PDE4D: variants seen among roughly 807,000 people sequenced by gnomAD.
PDE4D encodes the protein phosphodiesterase 4D.
In PDE4D, 24 loss-of-function variants were observed where a neutral mutation model predicts 87.4. That is an observed-to-expected ratio of 0.27 (90% CI 0.20 to 0.39). PDE4D has a LOEUF of 0.39. Among genes scored for constraint, PDE4D ranks in the 10% least tolerant of loss-of-function variants. PDE4D has a pLI of 1.00. For synonymous variants in PDE4D, 384 were observed against 383.2 expected (o/e 1.00, Z -0.02); for missense variants, 714 against 1,041.0 (o/e 0.69, Z 4.32).
At chr5:59,077,343 A>T (rs1173849749) in intron 5 of PDE4D, among the ~76,000 whole-genome samples, 2 of 152,098 alleles carry the variant, frequency 1.3e-5, no homozygotes, top group African/African-American at 4.8e-5. Context: ...TTTTCACATT[A>T]TTTTTCCAGG....
chr5:60,133,352 G>A (rs796302669), intron 2 of PDE4D, among the ~76,000 whole-genome samples: 14 of 151,564 alleles, frequency 9.2e-5, no homozygotes, highest in African/African-American at 3.4e-4. Context: ...TTTTTTAGAC[G>A]GGGTCTCGTT....
intron 5 of PDE4D, among the ~76,000 whole-genome samples, chr5:59,148,754 G>GGGGTGTGTGT (rs71578631): frequency 6.9e-6 from 1 of 145,482 alleles, no homozygotes; most frequent in African/African-American, 2.6e-5. Flanking sequence ...AATATATAGC[G>GGGGTGTGTGT]GTGTGTGTGT....
At chr5:59,402,453 G>A (rs914426050) in intron 1 of PDE4D, among the ~76,000 whole-genome samples, 3 of 152,106 alleles carry the variant, frequency 2.0e-5, no homozygotes, top group African/African-American at 7.2e-5. Context: ...TCTCCCGAAC[G>A]GTCAGGGGTA....
At chr5:59,088,985 T>A (rs1451828791) in intron 5 of PDE4D, among the ~76,000 whole-genome samples, 1 of 152,188 alleles carries the variant, frequency 6.6e-6, no homozygotes, top group Non-Finnish European at 1.5e-5. Context: ...TTCATTACAA[T>A]ATCTTCTCTC....
chr5:59,331,208 C>T (rs1315525165), intron 1 of PDE4D, among the ~76,000 whole-genome samples: 1 of 152,082 alleles, frequency 6.6e-6, no homozygotes, highest in Non-Finnish European at 1.5e-5. Context: ...CCTAGGGCTG[C>T]CATTACAAAA....
At chr5:59,067,247 C>T (rs1026379293) in intron 5 of PDE4D, among the ~76,000 whole-genome samples, 14 of 151,868 alleles carry the variant, frequency 9.2e-5, no homozygotes, top group Non-Finnish European at 1.8e-4. Flanking sequence ...AAACTCCTGA[C>T]TTCAAGTGAT....
chr5:59,050,665 T>C (rs1172664918), intron 5 of PDE4D, among the ~76,000 whole-genome samples: 1 of 152,222 alleles, frequency 6.6e-6, no homozygotes, highest in Non-Finnish European at 1.5e-5. Context: ...GAGCTCTTCA[T>C]GGGAAATAGT....
intron 1 of PDE4D, among the ~76,000 whole-genome samples, chr5:59,313,817 T>A (rs1773164787): frequency 6.6e-6 from 1 of 152,134 alleles, no homozygotes; most frequent in Non-Finnish European, 1.5e-5. Flanking sequence ...AAATCTCAAC[T>A]AATCCCCTCA....
intron 1 of PDE4D, among the ~76,000 whole-genome samples, chr5:59,290,921 C>A (rs1767881271): frequency 6.6e-6 from 1 of 151,790 alleles, no homozygotes; most frequent in East Asian, 1.9e-4. Context: ...ATGCAAAAGA[C>A]AAATAATAAG....
chr5:60,156,326 A>G (rs1781975405), intron 2 of PDE4D, among the ~76,000 whole-genome samples: 1 of 152,230 alleles, frequency 6.6e-6, no homozygotes, highest in Non-Finnish European at 1.5e-5. Context: ...ATATCTGGTT[A>G]TTAAATCCAA....
At chr5:59,736,059 G>A (rs189435233) in intron 1 of PDE4D, among the ~76,000 whole-genome samples, 1 of 151,228 alleles carries the variant, frequency 6.6e-6, no homozygotes, top group Admixed American at 6.6e-5. Flanking sequence ...AAATTTATGT[G>A]ACAAAAAGAA....
At chr5:59,292,873 G>A (rs1197301464) in intron 1 of PDE4D, among the ~76,000 whole-genome samples, 2 of 152,114 alleles carry the variant, frequency 1.3e-5, no homozygotes, top group East Asian at 3.9e-4. Flanking sequence ...CTGGTAAGAA[G>A]TGATTCATGC....
intron 1 of PDE4D, among the ~76,000 whole-genome samples, chr5:59,836,531 T>G (rs185909064): frequency 7.2e-4 from 109 of 152,104 alleles, no homozygotes; most frequent in African/African-American, 2.3e-3. Context: ...AGGGATTGGA[T>G]TGAAGGCTGA....
intron 1 of PDE4D, among the ~76,000 whole-genome samples, chr5:59,762,309 C>CGTATATGT (rs1762113459): frequency 1.4e-5 from 2 of 142,294 alleles, no homozygotes; most frequent in African/African-American, 5.4e-5. Context: ...TACACATATG[C>CGTATATGT]GTATATGGGT....
intron 1 of PDE4D, among the ~76,000 whole-genome samples, chr5:59,483,136 C>T (rs1804551370): frequency 6.6e-6 from 1 of 152,158 alleles, no homozygotes. Context: ...GAAACATTTG[C>T]TCCTTTTGGG....
At chr5:60,234,359 T>C (rs1746175395) in intron 1 of PDE4D, among the ~76,000 whole-genome samples, 1 of 151,854 alleles carries the variant, frequency 6.6e-6, no homozygotes, top group Admixed American at 6.6e-5. Context: ...GATAGGCATT[T>C]GGGTTGTTTC....
At chr5:59,962,416 G>A (rs62371487) in intron 3 of PDE4D, among the ~76,000 whole-genome samples, 7 of 151,910 alleles carry the variant, frequency 4.6e-5, no homozygotes, top group Middle Eastern at 3.4e-3. Flanking sequence ...GTGACACTTC[G>A]ATGACAAACT....
intron 1 of PDE4D, among the ~76,000 whole-genome samples, chr5:59,398,186 T>C (rs969124994): frequency 7.3e-6 from 1 of 137,180 alleles, no homozygotes; most frequent in African/African-American, 2.8e-5. Context: ...TCTGAAACTA[T>C]TCCAATCAAT....
At chr5:59,821,779 G>A (rs572232060) in intron 1 of PDE4D, among the ~76,000 whole-genome samples, 4 of 152,156 alleles carry the variant, frequency 2.6e-5, no homozygotes, top group Admixed American at 6.5e-5. Context: ...CAATTTCTAC[G>A]GTGTAAATAA....
Sources: gnomAD v4.1 joint callset for allele counts (sites outside exome capture counted in the v4.1 genomes callset) on GRCh38, gnomAD v4.1.1 for gene constraint, MANE v1.5 for transcripts, NCBI Gene and HGNC (gene_info 2026-07-23, HGNC 2026-07-21) for gene names.